Variants in ZNF713 observed in about 807,000 individuals in gnomAD.
ZNF713 encodes zinc finger protein 713.
ZNF713 carries 21 observed loss-of-function variants against 28.7 expected under a neutral mutation model. The observed-to-expected ratio is 0.73, with a 90% CI of 0.52 to 1.05. The LOEUF (loss-of-function observed/expected upper bound fraction) is 1.05, where lower values mean the gene tolerates loss of function less well. ZNF713 is among the 50% of genes least tolerant of loss of function. ZNF713 has a pLI of 0.00. For synonymous variants in ZNF713, 167 were observed against 178.0 expected, an observed-to-expected ratio of 0.94 and a Z score of 0.49; for missense variants, 458 against 532.4, an observed-to-expected ratio of 0.86 and a Z score of 1.37.
At chr7:55,928,517 C>G (rs186563304) in intron 6 of ZNF713, among the ~76,000 whole-genome samples, 1 of 152,226 alleles carries the variant, frequency 6.6e-6, no homozygotes, top group East Asian at 1.9e-4. Flanking sequence ...GAGAGTGTTA[C>G]AATGAGTTGG....
Position 55,929,931 on chromosome 7 carries a change from G to C in ZNF713, c.307+6232G>C, listed in dbSNP as rs551764770. Among the ~76,000 whole-genome samples the C allele has an allele frequency of 3.7e-4, 57 of 152,250 alleles. No individual in the cohort carries two copies. The South Asian group carries it at 3.9e-3, about 11-fold the overall frequency. On this transcript the variant is annotated intron_variant, in intron 6 of 6. Coordinates refer to ENST00000429591, the MANE Select transcript of ZNF713 (RefSeq NM_182633.3). ...ATGGTATAAAATAATAATTCTGCTT[G>C]ATGTAAAATAAGTGAAAAGATAACA...
At chr7:55,934,007 A>G (rs375834019) in intron 6 of ZNF713, among the ~76,000 whole-genome samples, 1 of 152,128 alleles carries the variant, frequency 6.6e-6, no homozygotes, top group East Asian at 1.9e-4. Context: ...ACCGAGCCTA[A>G]TTTTTTGTTA....
chr7:55,928,304 G>A (rs1584316109), intron 6 of ZNF713, among the ~76,000 whole-genome samples: 2 of 152,192 alleles, frequency 1.3e-5, no homozygotes, highest in Admixed American at 1.3e-4. Context: ...TAGGACAGGG[G>A]TTGAGGGTGT....
intron 1 of ZNF713, among the ~76,000 whole-genome samples, chr7:55,894,677 A>G (rs1305946470): frequency 1.3e-5 from 2 of 152,208 alleles, no homozygotes; most frequent in Non-Finnish European, 2.9e-5. Context: ...TCATTCAAAA[A>G]CTGTATGTCT....
intron 1 of ZNF713, among the ~76,000 whole-genome samples, chr7:55,906,006 G>A (rs1174497527): frequency 1.3e-5 from 2 of 151,550 alleles, no homozygotes. Flanking sequence ...GGAGGCTGAG[G>A]CAGAAAAATC....
intron 4 of ZNF713, among the ~76,000 whole-genome samples, chr7:55,922,552 A>G (rs1786012652): frequency 6.6e-6 from 1 of 151,800 alleles, no homozygotes. Context: ...AAAAAAAAAA[A>G]AAGAAGTTGC....
At chr7:55,906,776 A>G (rs750591321) in intron 2 of ZNF713, among the ~76,000 whole-genome samples, 11 of 152,156 alleles carry the variant, frequency 7.2e-5, no homozygotes, top group Non-Finnish European at 1.6e-4. Flanking sequence ...GTAAATATCT[A>G]GGAAAGTGGA....
intron 4 of ZNF713, among the ~76,000 whole-genome samples, chr7:55,917,413 C>T (rs968555683): frequency 5.9e-5 from 9 of 151,566 alleles, no homozygotes; most frequent in Non-Finnish European, 1.3e-4. Flanking sequence ...GAAAAAGGTA[C>T]AAAAGGCCAG....
chr7:55,939,098 A>C lies in ZNF713; in HGVS notation c.424A>C (p.Ile142Leu), dbSNP rs1231768960. The change falls in exon 7 of 7, where the codon ATC becomes CTC. Residue 142 changes from isoleucine (I) to leucine (L), a missense_variant. By Grantham distance (5) the Ile-to-Leu change is conservative (BLOSUM62 2). Coordinates refer to ENST00000429591, the MANE Select transcript of ZNF713 (RefSeq NM_182633.3). ...CGCAGGAGACAGCTTCTGGTACTCC[A>C]TCCTAGGAGGACTCTGGGATTTTGA... ...RLAGDSFWYS[I>L]LGGLWDFDYH... The C allele has an allele frequency of 6.2e-7, 1 of 1,614,142 alleles. No individual in the cohort carries two copies. Among genetic ancestry groups the C allele is most frequent in the Admixed American group, 1.7e-5 (1 of 60,000 alleles).
chr7:55,897,325 G>A (rs774012456), intron 1 of ZNF713, among the ~76,000 whole-genome samples: 5 of 151,034 alleles, frequency 3.3e-5, no homozygotes, highest in Non-Finnish European at 5.9e-5. Flanking sequence ...ATCATGGCTC[G>A]CTGGAGTGCA....
chr7:55,909,971 A>G (rs1015914925), intron 2 of ZNF713, among the ~76,000 whole-genome samples: 2 of 146,684 alleles, frequency 1.4e-5, no homozygotes, highest in Non-Finnish European at 3.0e-5. Context: ...ATATACGTTT[A>G]TGTGTGTGTG....
chr7:55,935,948 C>CT (rs1376890675), intron 6 of ZNF713, among the ~76,000 whole-genome samples: 1 of 150,992 alleles, frequency 6.6e-6, no homozygotes, highest in African/African-American at 2.4e-5. Flanking sequence ...GAGTGAGACT[C>CT]TGTCTCAAGA....
chr7:55,900,747 A>G (rs562226908), intron 1 of ZNF713, among the ~76,000 whole-genome samples: 8 of 152,324 alleles, frequency 5.3e-5, no homozygotes, highest in African/African-American at 1.9e-4. Context: ...TTAGTGAGAC[A>G]GGAGGGGTAA....
Position 55,939,987 on chromosome 7 carries a change from C to G in ZNF713, c.1313C>G (p.Pro438Arg). 6.3e-7 allele frequency: 1 copy of G among 1,588,502 alleles called. No individual in the cohort carries two copies. The highest frequency in any genetic ancestry group is 8.6e-7 in the Non-Finnish European group (1 of 1,165,688). ...TGTGAGCAAACTGTTCGCCACAGTC[C>G]TTCATTTAGCAGCACATAACTTATG... ...YKCEQTVRHS[P>R]SFSST Residue 438 changes from proline (P) to arginine (R), a missense_variant, in exon 7 of 7, where the codon CCT becomes CGT. Coordinates refer to ENST00000429591, the MANE Select transcript of ZNF713 (RefSeq NM_182633.3).
intron 1 of ZNF713, among the ~76,000 whole-genome samples, chr7:55,896,524 T>A (rs1436557881): frequency 6.6e-6 from 1 of 151,870 alleles, no homozygotes; most frequent in African/African-American, 2.4e-5. Context: ...AAGACTAAAA[T>A]GAACCTTGTG....
chr7:55,939,453 C>G lies in ZNF713; in HGVS notation c.779C>G (p.Pro260Arg), dbSNP rs1018815326. ...GATCATATTCATACTGCAGAGAAAC[C>G]CAGTGAGTGTGGGAAGGCCTTCAGC... ...LTDHIHTAEK[P>R]SECGKAFSHT... Residue 260 changes from proline to arginine, a missense_variant, in exon 7 of 7, where the codon CCC becomes CGC. By Grantham distance (103) the Pro-to-Arg change is moderately radical. Coordinates refer to ENST00000429591, the MANE Select transcript of ZNF713 (RefSeq NM_182633.3). The G allele has an allele frequency of 2.5e-6, 4 of 1,613,956 alleles. No individual in the cohort carries two copies. The highest frequency in any genetic ancestry group is 3.4e-6 in the Non-Finnish European group (4 of 1,180,006).
At chr7:55,931,293 A>G (rs1257662351) in intron 6 of ZNF713, among the ~76,000 whole-genome samples, 1 of 152,172 alleles carries the variant, frequency 6.6e-6, no homozygotes, top group Non-Finnish European at 1.5e-5. Flanking sequence ...TCAAAAAAAA[A>G]AAATTGAAAC....
chr7:55,924,351 T>G (rs1262983266), intron 6 of ZNF713: 2 of 152,336 alleles, frequency 1.3e-5, no homozygotes, highest in Non-Finnish European at 2.9e-5. Context: ...TCTTGAAATG[T>G]TCTTCCACCC....
intron 6 of ZNF713, among the ~76,000 whole-genome samples, chr7:55,934,109 G>A (rs1786296298): frequency 6.6e-6 from 1 of 152,186 alleles, no homozygotes; most frequent in African/African-American, 2.4e-5. Flanking sequence ...GTTTTATTAT[G>A]CTGAATAATA....
Sources: allele counts gnomAD v4.1 joint callset (sites outside exome capture counted in the v4.1 genomes callset), GRCh38; gene constraint gnomAD v4.1.1; transcripts MANE v1.5; gene names NCBI Gene and HGNC (gene_info 2026-07-23, HGNC 2026-07-21).